Variants in FANCI observed in about 807,000 individuals in gnomAD.
The protein encoded by FANCI is Fanconi anemia group I protein.
Under a neutral mutation model 176.1 loss-of-function variants are expected in FANCI, and 156 were observed. The ratio of observed to expected loss-of-function variants is 0.89; its 90% CI spans 0.78 to 1.01. The LOEUF (loss-of-function observed/expected upper bound fraction) is 1.01. Among genes scored for constraint, FANCI ranks in the 50% least tolerant of loss-of-function variants. The pLI, the probability that FANCI is intolerant of heterozygous loss-of-function variation, is 0.00. For synonymous variants in FANCI, 613 were observed against 541.7 expected, an observed-to-expected ratio of 1.13 and a Z score of -1.83; for missense variants, 1,678 against 1,534.1, an observed-to-expected ratio of 1.09 and a Z score of -1.57.
At chr15:89,266,896 ATATT>A (rs747770628) in intron 9 of FANCI, among the ~76,000 whole-genome samples, 2 of 152,078 alleles carry the variant, frequency 1.3e-5, no homozygotes, top group East Asian at 3.9e-4. Flanking sequence ...TTTGAGATAT[ATATT>A]AGGGTCCCAT....
Position 89,305,322 on chromosome 15 carries a change from CCT to C in FANCI, c.3187-14_3187-13del. The C allele has an allele frequency of 1.2e-6, 2 of 1,614,188 alleles. No homozygotes were observed. The highest frequency in any genetic ancestry group is 1.7e-6 in the Non-Finnish European group (2 of 1,180,046). On this transcript the variant is annotated splice_polypyrimidine_tract_variant and intron_variant, in intron 29 of 37. Transcript: ENST00000310775. ...ACAACCTTACTGTCATTAGGTCTCA[CCT>C]CTCTTCTTTTCCCCAGGATGTAGAG...
At chr15:89,314,739 C>T (rs1183847511) in intron 36 of FANCI, 32 bp downstream of exon 36, 4 of 1,488,586 alleles carry the variant, frequency 2.7e-6, no homozygotes, top group Non-Finnish European at 3.8e-6. Flanking sequence ...GCTACCATTC[C>T]CATTTACCTT....
rs748548415 is a variant in FANCI, at chr15:89,305,625, C to T, written c.3276C>T (p.Ala1092=). Residue 1092 remains alanine, a synonymous_variant, in exon 31 of 38, where the codon GCC becomes GCT. Coordinates refer to ENST00000310775, the MANE Select transcript of FANCI (RefSeq NM_001113378.2). ...TTCAGTTACTTGTTCTGAGTCAGGC[C>T]GAGAAGGTTCTAGAAGAAGTGGACT... ...PTVCLLVLSQ[A]EKVLEEVDWL... The T allele has an allele frequency of 2.5e-5, 41 of 1,613,944 alleles. No individual in the cohort carries two copies. The highest frequency in any genetic ancestry group is 2.3e-4 in the South Asian group (21 of 91,076).
intron 3 of FANCI, 147 bp from the exon 4 acceptor site, chr15:89,260,566 C>G: frequency 1.0e-6 from 1 of 1,002,316 alleles, no homozygotes; most frequent in South Asian, 1.3e-5. Flanking sequence ...TTTTCAAAGC[C>G]CTTAACCATT....
intron 32 of FANCI, 60 bp from the exon 33 acceptor site, chr15:89,307,416 C>A: frequency 6.6e-7 from 1 of 1,507,174 alleles, no homozygotes; most frequent in Non-Finnish European, 9.2e-7. Flanking sequence ...AGGCTCACTG[C>A]AGCAGTCACT....
At chr15:89,293,098 T>C in intron 22 of FANCI, 35 bp downstream of exon 22, 1 of 1,606,536 alleles carries the variant, frequency 6.2e-7, no homozygotes, top group Non-Finnish European at 8.5e-7. Flanking sequence ...TGTAATTTGA[T>C]GAATTCTCCA....
intron 16 of FANCI, chr15:89,282,823 T>C (rs764529678): frequency 2.4e-5 from 9 of 369,330 alleles, no homozygotes; most frequent in Non-Finnish European, 4.7e-5. Flanking sequence ...CAGCAATTTC[T>C]TACATTTGAG....
chr15:89,290,439 T>C (rs1210467453), intron 19 of FANCI, 158 bp downstream of exon 19: 2 of 653,528 alleles, frequency 3.1e-6, no homozygotes, highest in Non-Finnish European at 5.5e-6. Context: ...TGGGTTGTCT[T>C]ATCTCGGTCA....
chr15:89,255,580 C>A (rs938786820), intron 2 of FANCI, among the ~76,000 whole-genome samples: 2 of 152,130 alleles, frequency 1.3e-5, no homozygotes, highest in Non-Finnish European at 1.5e-5. Flanking sequence ...ATGATATCAC[C>A]TGTGTTCTTG....
At chr15:89,313,691 C>G (rs957821385) in intron 35 of FANCI, among the ~76,000 whole-genome samples, 1 of 151,984 alleles carries the variant, frequency 6.6e-6, no homozygotes, top group African/African-American at 2.4e-5. Context: ...ATATACAGGC[C>G]TGTGTACAGG....
chr15:89,288,735 C>G (rs1277337433), intron 18 of FANCI, among the ~76,000 whole-genome samples: 1 of 151,686 alleles, frequency 6.6e-6, no homozygotes, highest in South Asian at 2.1e-4. Context: ...CCTCTTGCCT[C>G]AGCCCCATCC....
chr15:89,260,029 T>C (rs2052649233), intron 3 of FANCI, among the ~76,000 whole-genome samples: 1 of 116,128 alleles, frequency 8.6e-6, no homozygotes, highest in South Asian at 2.5e-4. Context: ...GTGGAAACTC[T>C]TATGTTTAAC....
At chr15:89,248,268 A>G (rs1462188084) in intron 2 of FANCI, among the ~76,000 whole-genome samples, 2 of 152,172 alleles carry the variant, frequency 1.3e-5, no homozygotes, top group Non-Finnish European at 2.9e-5. Context: ...CTCAGCTGAT[A>G]TACTGCTCCT....
chr15:89,248,035 A>G (rs1472201692), intron 2 of FANCI, among the ~76,000 whole-genome samples: 1 of 152,206 alleles, frequency 6.6e-6, no homozygotes, highest in Non-Finnish European at 1.5e-5. Context: ...GAACAATCCT[A>G]TTTGATGATA....
intron 34 of FANCI, 96 bp from the exon 35 acceptor site, chr15:89,312,808 C>T: frequency 1.1e-6 from 1 of 917,536 alleles, no homozygotes. Context: ...GACAGCAAAG[C>T]TCTGTCTTAA....
intron 2 of FANCI, among the ~76,000 whole-genome samples, chr15:89,251,388 A>G (rs910459658): frequency 6.6e-6 from 1 of 152,256 alleles, no homozygotes; most frequent in Non-Finnish European, 1.5e-5. Context: ...TTTAGAGATC[A>G]GGTAGATAGT....
In FANCI at chr15:89,307,600, C is replaced by A. The variant is rs778527676; in HGVS notation, c.3592-13C>A. 5.6e-6 allele frequency: 9 copies of A among 1,614,092 alleles called. No homozygotes were observed. The South Asian group carries it at 9.9e-5, about 18-fold the overall frequency. ...TGCTGGTTACATTGGTTTCCTTCTC[C>A]CTTGTTGTGCAGGTGAAGCTGTCTG... is the stretch of plus-strand genomic sequence containing the variant. On this transcript the variant is annotated splice_polypyrimidine_tract_variant and intron_variant, in intron 33 of 37. Transcript: ENST00000310775.
intron 5 of FANCI, 35 bp from the exon 6 acceptor site, chr15:89,261,786 T>G (rs748270738): frequency 1.2e-6 from 2 of 1,614,036 alleles, no homozygotes; most frequent in Non-Finnish European, 1.7e-6. Context: ...ATGCACATAA[T>G]CAAATTCATT....
In FANCI at chr15:89,258,700, G is replaced by T. The variant is rs746656913; in HGVS notation, c.85-4G>T. 6.2e-7 allele frequency: 1 copy of T among 1,611,706 alleles called. No homozygotes were observed. The highest frequency in any genetic ancestry group is 2.2e-5 in the East Asian group (1 of 44,840). ...GAGACTTGTACCTTTTTCTTTCTTTGCAGTTGACTAATCTCCTTCAGAATC... is the reference window on the plus strand; with the variant it reads ...GAGACTTGTACCTTTTTCTTTCTTTTCAGTTGACTAATCTCCTTCAGAATC... On this transcript the variant is annotated splice_polypyrimidine_tract_variant and splice_region_variant and intron_variant, in intron 2 of 37. Transcript: ENST00000310775.
Sources: gnomAD v4.1 joint callset for allele counts (sites outside exome capture counted in the v4.1 genomes callset) on GRCh38, gnomAD v4.1.1 for gene constraint, MANE v1.5 for transcripts, NCBI Gene and HGNC (gene_info 2026-07-23, HGNC 2026-07-21) for gene names.